The following LRG1 variants were observed in gnomAD, a reference collection of about 807,000 sequenced individuals.
The protein encoded by LRG1 is leucine-rich alpha-2-glycoprotein.
In LRG1, 1 loss-of-function variant was observed where a neutral mutation model predicts 2.4. The observed-to-expected ratio is 0.41, with a 90% confidence interval of 0.15 to 1.95. The LOEUF (loss-of-function observed/expected upper bound fraction) is 1.95, where lower values mean the gene tolerates loss of function less well. Among genes scored for constraint, LRG1 ranks in the 30% most tolerant of loss-of-function variants. The pLI is 0.30. For synonymous variants in LRG1, 226 were observed against 210.6 expected (o/e 1.07, Z -0.63); for missense variants, 425 against 436.9 (o/e 0.97, Z 0.24).
At chr19:4,539,035 C>T in intron 1 of LRG1, 84 bp from the exon 2 acceptor site, 2 of 1,336,004 alleles carry the variant, frequency 1.5e-6, no homozygotes, top group Non-Finnish European at 2.0e-6. Flanking sequence ...AATCCGCCCA[C>T]TTCTTCCCAT....
rs768341052 is a variant in LRG1, at chr19:4,538,265, T to C, written c.719A>G (p.Tyr240Cys). 6.2e-7 allele frequency: 1 copy of C among 1,613,986 alleles called. No homozygotes were observed. ...DLLLPQPDLR[Y>C]LFLNGNKLAR... Reference sequence around the variant, plus strand: ...CAGCTTGTTGCCGTTCAGGAAGAGGTAGCGCAGGTCCGGCTGCGGCAAGAG... The same window carrying C: ...CAGCTTGTTGCCGTTCAGGAAGAGGCAGCGCAGGTCCGGCTGCGGCAAGAG... The change falls in exon 2 of 2, where the codon TAC (tyrosine) becomes TGC (cysteine). Residue 240 changes from tyrosine to cysteine, a missense_variant. Coordinates refer to ENST00000306390, the MANE Select transcript of LRG1 (RefSeq NM_052972.3).
chr19:4,537,968 G>A lies in LRG1; in HGVS notation c.1016C>T (p.Thr339Met), dbSNP rs202102463. ...CTGGGACTTGGCCACTGCCAGGAGCGTCTGGCCCTTCACGGCTTCAGGCCC... is the reference window on the plus strand; with the variant it reads ...CTGGGACTTGGCCACTGCCAGGAGCATCTGGCCCTTCACGGCTTCAGGCCC... ...CAGPEAVKGQ[T>M]LLAVAKSQ Residue 339 changes from threonine to methionine, a missense_variant, in exon 2 of 2, where the codon ACG becomes ATG. Thr to Met is a moderately conservative substitution (Grantham distance 81). Transcript: ENST00000306390. 3.5e-5 allele frequency: 57 copies of A among 1,612,622 alleles called. No individual in the cohort carries two copies. In the Admixed American group the frequency reaches 4.3e-4, roughly 12 times the overall value.
In LRG1 at chr19:4,539,982, C is replaced by T. The variant is rs1323088765; in HGVS notation, c.32G>A (p.Ser11Asn). The T allele has an allele frequency of 1.2e-6, 2 of 1,614,078 alleles. No individual in the cohort carries two copies. The highest frequency in any genetic ancestry group is 1.7e-6 in the Non-Finnish European group (2 of 1,180,032). Residue 11 changes from serine (S) to asparagine (N), a missense_variant and splice_region_variant, in exon 1 of 2, where the codon AGC (serine) becomes AAC (asparagine). By Grantham distance (46) the Ser-to-Asn change is conservative (BLOSUM62 1). Transcript: ENST00000306390. ...TAGGACAGGTAGTGTGGGGACCTACCTTTTTGGTCGCTGTCTGCTCCAAGA... is the reference window on the plus strand; with the variant it reads ...TAGGACAGGTAGTGTGGGGACCTACTTTTTTGGTCGCTGTCTGCTCCAAGA... MSSWSRQRPK[S>N]PGGIQPHVSR... is the part of the protein sequence containing the mutation.
In LRG1 at chr19:4,537,895, G is replaced by A. The variant is rs951260251; in HGVS notation, c.*45C>T. 4.5e-6 allele frequency: 7 copies of A among 1,560,426 alleles called. No individual in the cohort carries two copies. The highest frequency in any genetic ancestry group is 5.2e-6 in the Non-Finnish European group (6 of 1,152,072). ...GGCAGGATTATTTGTTAAGCGGGTT[G>A]CAGTGTTCTACCAGACCCCCCACCC... is the stretch of plus-strand genomic sequence containing the variant. On this transcript the variant is annotated 3_prime_UTR_variant, in exon 2 of 2. Coordinates refer to ENST00000306390, the MANE Select transcript of LRG1 (RefSeq NM_052972.3).
rs753437008 is a variant in LRG1 at position 4,538,630 on chromosome 19, C to T, written c.354G>A (p.Leu118=). ...SPEFLRPVPQ[L]RVLDLTRNAL... ...CGTTTCGGGTTAGATCCAGCACCCTCAGCTGCGGCACTGGCCGCAGGAATT... is the reference window on the plus strand; with the variant it reads ...CGTTTCGGGTTAGATCCAGCACCCTTAGCTGCGGCACTGGCCGCAGGAATT... The change falls in exon 2 of 2, where the codon CTG becomes CTA. Residue 118 remains leucine, a synonymous_variant. Coordinates refer to ENST00000306390, the MANE Select transcript of LRG1 (RefSeq NM_052972.3). The T allele has an allele frequency of 3.1e-6, 5 of 1,613,086 alleles. No homozygotes were observed. Among genetic ancestry groups the T allele is most frequent in the Non-Finnish European group, 4.2e-6 (5 of 1,179,344 alleles).
chr19:4,540,009 G>A lies in LRG1; in HGVS notation c.5C>T (p.Ser2Phe), dbSNP rs1354500171. 5.0e-6 allele frequency: 8 copies of A among 1,614,152 alleles called. No individual in the cohort carries two copies. The highest frequency in any genetic ancestry group is 6.8e-6 in the Non-Finnish European group (8 of 1,180,010). The change falls in exon 1 of 2, where the codon TCC becomes TTC. Residue 2 changes from serine to phenylalanine, a missense_variant. Coordinates refer to ENST00000306390, the MANE Select transcript of LRG1 (RefSeq NM_052972.3). M[S>F]SWSRQRPKSP... ...TTTTGGTCGCTGTCTGCTCCAAGAG[G>A]ACATGGTAGCTCTGCTCTTTTGCTT...
In LRG1 at chr19:4,537,998, C is replaced by T; in HGVS notation, c.986G>A (p.Cys329Tyr). The stretch of plus-strand genomic sequence containing the variant: ...GCCCTTCACGGCTTCAGGCCCAGCA[C>T]AGCGCGTGTCATTCTGGGAAAACAT... ...DKMFSQNDTR[C>Y]AGPEAVKGQT... The change falls in exon 2 of 2, where the codon TGT becomes TAT. Residue 329 changes from cysteine to tyrosine, a missense_variant. Transcript: ENST00000306390. The T allele has an allele frequency of 1.2e-6, 2 of 1,613,924 alleles. No individual in the cohort carries two copies. The highest frequency in any genetic ancestry group is 1.1e-5 in the South Asian group (1 of 91,086).
Position 4,538,138 on chromosome 19 carries a change from G to A in LRG1, c.846C>T (p.Ser282=). ...GCATGTCCCAGTTTGGCTGCCCTAG[G>A]GATGCCCAGAGCCCCTCGGGCACGC... ...LASVPEGLWA[S]LGQPNWDMRD... The change falls in exon 2 of 2, where the codon TCC becomes TCT. Residue 282 remains serine, a synonymous_variant. Coordinates refer to ENST00000306390, the MANE Select transcript of LRG1 (RefSeq NM_052972.3). 1.9e-6 allele frequency: 3 copies of A among 1,614,074 alleles called. No individual in the cohort carries two copies. The highest frequency in any genetic ancestry group is 2.5e-6 in the Non-Finnish European group (3 of 1,180,034).
chr19:4,538,303 C>T lies in LRG1; in HGVS notation c.681G>A (p.Leu227=), dbSNP rs201578632. The stretch of plus-strand genomic sequence containing the variant: ...GCTGCGGCAAGAGGAGATCTTTTCC[C>T]AGTACTTGCAATTTGTTGCCTTCTA... ...LHLEGNKLQV[L]GKDLLLPQPD... Residue 227 remains leucine (L), a synonymous_variant, in exon 2 of 2, where the codon CTG becomes CTA. Coordinates refer to ENST00000306390, the MANE Select transcript of LRG1 (RefSeq NM_052972.3). 1 of 1,614,230 alleles carries T rather than the reference C, an allele frequency of 6.2e-7. No individual in the cohort carries two copies. Among genetic ancestry groups the T allele is most frequent in the African/African-American group, 1.3e-5 (1 of 75,060 alleles).
Position 4,538,022 on chromosome 19 carries a change from A to G in LRG1, c.962T>C (p.Met321Thr), listed in dbSNP as rs1055785552. ...YRWLQAQKDK[M>T]FSQNDTRCAG... Reference sequence around the variant, plus strand: ...ACAGCGCGTGTCATTCTGGGAAAACATCTTGTCTTTTTGGGCCTGAAGCCA... The same window carrying G: ...ACAGCGCGTGTCATTCTGGGAAAACGTCTTGTCTTTTTGGGCCTGAAGCCA... Residue 321 changes from methionine (M) to threonine (T), a missense_variant, in exon 2 of 2, where the codon ATG becomes ACG. By Grantham distance (81) the Met-to-Thr change is moderately conservative. Transcript: ENST00000306390. The G allele has an allele frequency of 1.2e-6, 2 of 1,614,106 alleles. No individual in the cohort carries two copies. The highest frequency in any genetic ancestry group is 2.2e-5 in the East Asian group (1 of 44,878).
chr19:4,538,029 C>CT lies in LRG1; in HGVS notation c.954dup (p.Asp319ArgfsTer8). The CT allele has an allele frequency of 6.2e-7, 1 of 1,614,178 alleles. No homozygotes were observed. Among genetic ancestry groups the CT allele is most frequent in the Non-Finnish European group, 8.5e-7 (1 of 1,180,044 alleles). On this transcript the variant is annotated frameshift_variant, in exon 2 of 2. Transcript: ENST00000306390. LOFTEE classifies it low-confidence loss of function (END_TRUNC). ...GTGTCATTCTGGGAAAACATCTTGTCTTTTTGGGCCTGAAGCCAACGATAG... is the reference window on the plus strand; with the variant it reads ...GTGTCATTCTGGGAAAACATCTTGTCTTTTTTGGGCCTGAAGCCAACGATAG...
Position 4,538,938 on chromosome 19 carries a change from G to T in LRG1, c.46C>A (p.Gln16Lys). 6.6e-7 allele frequency: 1 copy of T among 1,507,828 alleles called. No individual in the cohort carries two copies. Among genetic ancestry groups the T allele is most frequent in the South Asian group, 1.3e-5 (1 of 74,126 alleles). The allele number at this position is 1,507,828 out of a possible 1,614,324, so 93.4% of individuals were successfully genotyped here. The change falls in exon 2 of 2, where the codon CAA becomes AAA. Residue 16 changes from glutamine to lysine, a missense_variant. Gln to Lys is a moderately conservative substitution (Grantham distance 53, BLOSUM62 1). Coordinates refer to ENST00000306390, the MANE Select transcript of LRG1 (RefSeq NM_052972.3). ...AACAGAGTTCTAGAAACATGGGGTT[G>T]AATGCCCCCTGGGCTGCAGGCAGTA... The part of the protein sequence containing the change: ...RQRPKSPGGI[Q>K]PHVSRTLFLL...
rs140104110 is a variant in LRG1, at chr19:4,539,304, C to G, written c.33-353G>C. The G allele has an allele frequency of 5.0e-3, 909 of 181,602 alleles. 4 individuals are homozygous for G. The highest frequency in any genetic ancestry group is 7.0e-3 in the Non-Finnish European group (613 of 87,482). The allele number at this position is 181,602 out of a possible 1,614,324, so 11.2% of individuals were successfully genotyped here. A position where few individuals can be genotyped will look rare whatever the true frequency, so the allele number is the denominator to read the frequency against. The stretch of plus-strand genomic sequence containing the variant: ...GTCCAACTTGCTAGTTTCTTCTGAT[C>G]TGGCTTATTTTCTGGGTCAGTCCTT... On this transcript the variant is annotated intron_variant, in intron 1 of 1. Coordinates refer to ENST00000306390, the MANE Select transcript of LRG1 (RefSeq NM_052972.3).
Position 4,538,110 on chromosome 19 carries a change from C to G in LRG1, c.874G>C (p.Asp292His), listed in dbSNP as rs1387743056. Residue 292 changes from aspartate (D) to histidine (H), a missense_variant, in exon 2 of 2, where the codon GAT becomes CAT. Physicochemically the swap from Asp to His is moderately conservative, Grantham distance 81. Transcript: ENST00000306390. ...GGGTTGCCGGAGATGTCGAAGCCAT[C>G]CCGCATGTCCCAGTTTGGCTGCCCT... ...SLGQPNWDMR[D>H]GFDISGNPWI... The G allele has an allele frequency of 1.9e-6, 3 of 1,614,074 alleles. No homozygotes were observed. Among genetic ancestry groups the G allele is most frequent in the Non-Finnish European group, 2.5e-6 (3 of 1,180,046 alleles).
In LRG1 at chr19:4,537,344, G is replaced by C. The variant is rs1976956130; in HGVS notation, c.*596C>G. ...ACAGAGTCAGAGAAAGGCAGCCCCA[G>C]TGTGGCCAGGGCTCAGCTGGAAGGA... On this transcript the variant is annotated 3_prime_UTR_variant, in exon 2 of 2. Transcript: ENST00000306390. 6.5e-6 allele frequency: 1 copy of C among 152,732 alleles called. No individual in the cohort carries two copies. The highest frequency in any genetic ancestry group is 2.4e-5 in the African/African-American group (1 of 41,438). 9.5% of individuals were successfully genotyped at this position (152,732 alleles called of 1,614,324 possible).
chr19:4,537,769 A>G lies in LRG1; in HGVS notation c.*171T>C, dbSNP rs1156970326. On this transcript the variant is annotated 3_prime_UTR_variant, in exon 2 of 2. Coordinates refer to ENST00000306390, the MANE Select transcript of LRG1 (RefSeq NM_052972.3). ...TTTTTAGTAGAGACAGGGTTTCACC[A>G]TGTTAGCCAAGATGGTCTCGATCTC... The G allele has an allele frequency of 5.8e-6, 4 of 684,874 alleles. No individual in the cohort carries two copies. Among genetic ancestry groups the G allele is most frequent in the African/African-American group, 3.6e-5 (2 of 55,450 alleles). 42.4% of individuals were successfully genotyped at this position (684,874 alleles called of 1,614,324 possible).
chr19:4,539,421 C>T (rs1158909956), intron 1 of LRG1, among the ~76,000 whole-genome samples: 1 of 152,240 alleles, frequency 6.6e-6, no homozygotes, highest in Non-Finnish European at 1.5e-5. Context: ...CTTCTCTGCT[C>T]TGGGATCCTG....
In LRG1 at chr19:4,538,612, G is replaced by T. The variant is rs767146625; in HGVS notation, c.372C>A (p.Thr124=). The T allele has an allele frequency of 8.7e-6, 14 of 1,613,006 alleles. No homozygotes were observed. In the South Asian group the frequency reaches 1.5e-4, roughly 18 times the overall value. The change falls in exon 2 of 2, where the codon ACC becomes ACA. Residue 124 remains threonine (T), a synonymous_variant. Coordinates refer to ENST00000306390, the MANE Select transcript of LRG1 (RefSeq NM_052972.3). Reference sequence around the variant, plus strand: ...GGGGCAGCCCGGTCAGGGCGTTTCGGGTTAGATCCAGCACCCTCAGCTGCG... The same window carrying T: ...GGGGCAGCCCGGTCAGGGCGTTTCGTGTTAGATCCAGCACCCTCAGCTGCG... The part of the protein sequence containing the change: ...PVPQLRVLDL[T]RNALTGLPPG...
In LRG1 at chr19:4,538,586, G is replaced by C; in HGVS notation, c.398C>G (p.Pro133Arg). The change falls in exon 2 of 2, where the codon CCG (proline) becomes CGG (arginine). Residue 133 changes from proline (P) to arginine (R), a missense_variant. Physicochemically the swap from Pro to Arg is moderately radical, Grantham distance 103. Transcript: ENST00000306390. ...LTRNALTGLP[P>R]GLFQASATLD... ...GGTGGCTGAGGCCTGGAAGAGGCCCGGGGGCAGCCCGGTCAGGGCGTTTCG... is the reference window on the plus strand; with the variant it reads ...GGTGGCTGAGGCCTGGAAGAGGCCCCGGGGCAGCCCGGTCAGGGCGTTTCG... 2 of 1,613,098 alleles carry C rather than the reference G, an allele frequency of 1.2e-6. No homozygotes were observed. Among genetic ancestry groups the C allele is most frequent in the East Asian group, 2.2e-5 (1 of 44,872 alleles).
Sources: gnomAD v4.1 joint callset for allele counts (sites outside exome capture counted in the v4.1 genomes callset) on GRCh38, gnomAD v4.1.1 for gene constraint, MANE v1.5 for transcripts, NCBI Gene and HGNC (gene_info 2026-07-23, HGNC 2026-07-21) for gene names.